BLTP3B: variants seen among roughly 807,000 people sequenced by gnomAD.
BLTP3B encodes UHRF1 (ICBP90) binding protein 1-like.
the BLTP3B span, among the ~76,000 whole-genome samples, chr12:100,082,287 T>C: frequency 6.6e-6 from 1 of 152,254 alleles, no homozygotes; most frequent in Non-Finnish European, 1.5e-5. Flanking sequence ...AATTTCCTTA[T>C]AGGTTCTGGA....
At chr12:100,045,303 G>C in the BLTP3B span, among the ~76,000 whole-genome samples, 1 of 152,134 alleles carries the variant, frequency 6.6e-6, no homozygotes, top group African/African-American at 2.4e-5. Flanking sequence ...ACAATCCTAA[G>C]CCAAAAGAAC....
At chr12:100,058,041 T>C in the BLTP3B span, 1 of 1,565,570 alleles carries the variant, frequency 6.4e-7, no homozygotes. Context: ...TAAAGATGAC[T>C]GTGATTTAAG....
chr12:100,069,972 G>A, the BLTP3B span: 1 of 1,203,738 alleles, frequency 8.3e-7, no homozygotes, highest in Non-Finnish European at 1.0e-6. Flanking sequence ...GGAATACTAT[G>A]ATTATGCAAT....
the BLTP3B span, among the ~76,000 whole-genome samples, chr12:100,038,901 C>A: frequency 6.6e-6 from 1 of 152,162 alleles, no homozygotes; most frequent in Non-Finnish European, 1.5e-5. Context: ...CTTGCCTTAT[C>A]GACCAAGTGA....
At chr12:100,097,476 C>T in the BLTP3B span, 1 of 1,611,854 alleles carries the variant, frequency 6.2e-7, no homozygotes, top group African/African-American at 1.3e-5. Context: ...TTCTTATCAT[C>T]TGCCAATTTA....
At chr12:100,048,784 G>A in the BLTP3B span, among the ~76,000 whole-genome samples, 13 of 150,466 alleles carry the variant, frequency 8.6e-5, no homozygotes, top group South Asian at 4.3e-4. Flanking sequence ...GTGTGTGTGT[G>A]TGTGTGTGTG....
At chr12:100,110,936 G>C in the BLTP3B span, among the ~76,000 whole-genome samples, 1 of 152,028 alleles carries the variant, frequency 6.6e-6, no homozygotes, top group Non-Finnish European at 1.5e-5. Context: ...CCTTAGTCTT[G>C]GGCATGGAGG....
chr12:100,051,258 C>A, the BLTP3B span: 1 of 1,588,186 alleles, frequency 6.3e-7, no homozygotes, highest in South Asian at 1.1e-5. Flanking sequence ...AAATTAAAGT[C>A]AGTTTTACAC....
At chr12:100,140,873 G>C in the BLTP3B span, among the ~76,000 whole-genome samples, 1 of 150,482 alleles carries the variant, frequency 6.6e-6, no homozygotes, top group East Asian at 1.9e-4. Context: ...TGGTATGCAT[G>C]CTCTTAATTT....
At chr12:100,130,949 C>CATACATACATACATACATACATACATAT in the BLTP3B span, among the ~76,000 whole-genome samples, 1 of 97,546 alleles carries the variant, frequency 1.0e-5, no homozygotes. Flanking sequence ...TACATACATA[C>CATACATACATACATACATACATACATAT]ATATATATAT....
chr12:100,041,161 AAAGT>A, the BLTP3B span, among the ~76,000 whole-genome samples: 1 of 152,190 alleles, frequency 6.6e-6, no homozygotes, highest in African/African-American at 2.4e-5. Flanking sequence ...TATCATCCAA[AAAGT>A]AACTAATGTA....
chr12:100,102,108 CTCT>C, the BLTP3B span, among the ~76,000 whole-genome samples: 2 of 146,130 alleles, frequency 1.4e-5, no homozygotes, highest in Non-Finnish European at 3.0e-5. Flanking sequence ...CCCAACTTAA[CTCT>C]TTTTTTTTTT....
chr12:100,053,286 T>C, the BLTP3B span, among the ~76,000 whole-genome samples: 6 of 151,654 alleles, frequency 4.0e-5, no homozygotes, highest in South Asian at 1.2e-3. Context: ...GCATCTGTAA[T>C]CCCAGCTATT....
At chr12:100,086,204 C>A in the BLTP3B span, 2 of 999,468 alleles carry the variant, frequency 2.0e-6, no homozygotes, top group Middle Eastern at 3.2e-4. Flanking sequence ...CAAGATAAAA[C>A]TAAACTAAAT....
the BLTP3B span, among the ~76,000 whole-genome samples, chr12:100,085,207 A>C: frequency 6.6e-6 from 1 of 152,122 alleles, no homozygotes; most frequent in East Asian, 1.9e-4. Context: ...AAATGCACAT[A>C]AAAGGGTTAA....
chr12:100,086,386 A>T, the BLTP3B span: 1 of 1,301,156 alleles, frequency 7.7e-7, no homozygotes, highest in South Asian at 1.3e-5. Context: ...GGGGGGGGAA[A>T]TATTAAGTCA....
chr12:100,037,313 T>C, the BLTP3B span: 236 of 1,014,898 alleles, frequency 2.3e-4, no homozygotes, highest in African/African-American at 3.7e-3. Context: ...TTTTAAAAAA[T>C]GCCGAAAATG....
chr12:100,098,278 A>G, the BLTP3B span: 9 of 1,454,332 alleles, frequency 6.2e-6, no homozygotes, highest in Non-Finnish European at 7.3e-6. Context: ...CAACCATGAG[A>G]TGTGATTTTT....
At chr12:100,062,353 GA>G in the BLTP3B span, among the ~76,000 whole-genome samples, 1 of 152,126 alleles carries the variant, frequency 6.6e-6, no homozygotes, top group East Asian at 1.9e-4. Context: ...ATGGTAAAAC[GA>G]AAGTTAAGAG....
Sources: gnomAD v4.1 joint callset for allele counts (sites outside exome capture counted in the v4.1 genomes callset) on GRCh38, gnomAD v4.1.1 for gene constraint, MANE v1.5 for transcripts, NCBI Gene and HGNC (gene_info 2026-07-23, HGNC 2026-07-21) for gene names.